The following TSEN2 variants were observed in gnomAD, a reference collection of about 807,000 sequenced individuals.
The protein encoded by TSEN2 is tRNA splicing endonuclease subunit 2, also known as tRNA-splicing endonuclease subunit Sen2.
A neutral mutation model predicts 59.2 loss-of-function variants in TSEN2; 54 were observed. The ratio of observed to expected loss-of-function variants is 0.91; its 90% CI spans 0.73 to 1.14. TSEN2 has a LOEUF of 1.14. Among genes scored for constraint, TSEN2 ranks in the 50% most tolerant of loss-of-function variants. The pLI is 0.00. For missense variants in TSEN2, 636 were observed against 576.2 expected (o/e 1.10, Z -1.06); for synonymous variants, 195 against 198.2 (o/e 0.98, Z 0.14).
chr3:12,510,559 C>A (rs373452515), intron 6 of TSEN2, among the ~76,000 whole-genome samples: 3 of 152,286 alleles, frequency 2.0e-5, no homozygotes, highest in South Asian at 4.2e-4. Flanking sequence ...CAGCTCTCCT[C>A]GTGCCTGACA....
At chr3:12,502,447 A>C (rs748201406) in intron 4 of TSEN2, among the ~76,000 whole-genome samples, 2 of 152,096 alleles carry the variant, frequency 1.3e-5, no homozygotes, top group Non-Finnish European at 2.9e-5. Flanking sequence ...GAGGCAGAAG[A>C]ATCGCTTGAA....
intron 3 of TSEN2, 40 bp from the exon 4 acceptor site, chr3:12,496,478 G>A: frequency 6.2e-7 from 1 of 1,608,240 alleles, no homozygotes; most frequent in Non-Finnish European, 8.5e-7. Flanking sequence ...TTCCCCTTAT[G>A]GGAAATTTGC....
At position 12,503,500 on chromosome 3, in the gene TSEN2, G is replaced by A; in HGVS notation, c.547G>A (p.Val183Met). ...CGGGGACTCTGGAAAGTCAGGTGGT[G>A]TGGGTGATCCCCGTGAGCCATTAGG... is the stretch of plus-strand genomic sequence containing the variant. ...VNGDSGKSGG[V>M]GDPREPLGCL... Residue 183 changes from valine (V) to methionine (M), a missense_variant, in exon 5 of 12, where the codon GTG (valine) becomes ATG (methionine). Physicochemically the swap from Val to Met is conservative, Grantham distance 21. Coordinates refer to ENST00000284995, the MANE Select transcript of TSEN2 (RefSeq NM_025265.4). 2 of 1,614,224 alleles carry A rather than the reference G, an allele frequency of 1.2e-6. No homozygotes were observed. The highest frequency in any genetic ancestry group is 1.7e-6 in the Non-Finnish European group (2 of 1,180,020).
intron 10 of TSEN2, chr3:12,530,181 C>T: frequency 2.5e-6 from 3 of 1,213,078 alleles, no homozygotes; most frequent in Non-Finnish European, 3.1e-6. Context: ...GGTATCGTTG[C>T]TATGTGACTT....
intron 10 of TSEN2, 79 bp downstream of exon 10, chr3:12,529,952 C>A (rs1249513222): frequency 1.3e-6 from 2 of 1,558,268 alleles, no homozygotes; most frequent in African/African-American, 2.8e-5. Flanking sequence ...GTAGTAGAAT[C>A]AAAAAAGTTA....
At chr3:12,529,921 G>GTTTTT in intron 10 of TSEN2, 48 bp downstream of exon 10, 3 of 1,507,482 alleles carry the variant, frequency 2.0e-6, no homozygotes, top group Non-Finnish European at 2.7e-6. Context: ...AAATGGTTCA[G>GTTTTT]TTTTTTTTTT....
At chr3:12,515,872 C>T (rs2056016785) in intron 6 of TSEN2, among the ~76,000 whole-genome samples, 1 of 147,178 alleles carries the variant, frequency 6.8e-6, no homozygotes, top group Admixed American at 6.8e-5. Flanking sequence ...CTTTTCACAC[C>T]TTTTTTTTTT....
chr3:12,495,859 T>C (rs1230483445), intron 3 of TSEN2, among the ~76,000 whole-genome samples: 1 of 152,182 alleles, frequency 6.6e-6, no homozygotes, highest in East Asian at 1.9e-4. Context: ...ACATTTCGGT[T>C]GGAAAGACTC....
rs2057527309 is a variant in TSEN2, at chr3:12,532,517, C to G, written c.1339-145C>G. 3 of 741,188 alleles carry G rather than the reference C, an allele frequency of 4.0e-6. No individual in the cohort carries two copies. The Admixed American group carries it at 7.3e-5, about 18-fold the overall frequency. 45.9% of individuals were successfully genotyped at this position (741,188 alleles called of 1,614,324 possible). ...GTTTATATTGTTACATTCATTTTCT[C>G]CAGATGTTTCTGTTCTAAAGGTGGG... On this transcript the variant is annotated intron_variant, in intron 11 of 11. Transcript: ENST00000284995.
chr3:12,496,573 T>G lies in TSEN2; in HGVS notation c.308+19T>G. The stretch of plus-strand genomic sequence containing the variant: ...CAAAGAGGTAAGTCATAATGAACTT[T>G]GGCTTCTGTCAAAATGATGGTTTAA... On this transcript the variant is annotated intron_variant, in intron 4 of 11. Coordinates refer to ENST00000284995, the MANE Select transcript of TSEN2 (RefSeq NM_025265.4). 6.2e-7 allele frequency: 1 copy of G among 1,613,972 alleles called. No homozygotes were observed.
intron 10 of TSEN2, chr3:12,538,962 T>A (rs6763836): frequency 0.025 from 7,805 of 316,230 alleles, 647 homozygotes; most frequent in African/African-American, 0.17. Flanking sequence ...TCAGGCAAAA[T>A]GAAATTGACA....
rs1293042824 is a variant in TSEN2 at position 12,515,755 on chromosome 3, T to C, written c.910-856T>C. 6.6e-5 allele frequency among the ~76,000 whole-genome samples: 10 copies of C among 152,314 alleles called. No individual in the cohort carries two copies. The South Asian group carries it at 8.3e-4, about 13-fold the overall frequency. On this transcript the variant is annotated intron_variant, in intron 6 of 11. Coordinates refer to ENST00000284995, the MANE Select transcript of TSEN2 (RefSeq NM_025265.4). ...GCCTCCCCCCACACAGTAAAATATA[T>C]CATTATGTGAGGTCAGTGCAAACAT... is the stretch of plus-strand genomic sequence containing the variant.
chr3:12,536,718 G>C (rs1374176100), downstream of TSEN2, among the ~76,000 whole-genome samples: 1 of 152,010 alleles, frequency 6.6e-6, no homozygotes, highest in African/African-American at 2.4e-5. Context: ...TAAGAGGAGG[G>C]GGCCAGGCGC....
intron 2 of TSEN2, among the ~76,000 whole-genome samples, chr3:12,490,609 T>A (rs75763180): frequency 0.051 from 7,699 of 152,348 alleles, 374 homozygotes; most frequent in African/African-American, 0.12. Flanking sequence ...TATTGAGTTA[T>A]AATTTACAAC....
chr3:12,498,575 C>T (rs1275627548), intron 4 of TSEN2, among the ~76,000 whole-genome samples: 5 of 152,116 alleles, frequency 3.3e-5, no homozygotes, highest in Non-Finnish European at 4.4e-5. Flanking sequence ...TTCAATTTGC[C>T]GTCAATTTGC....
chr3:12,507,328 T>C (rs1327060377), intron 6 of TSEN2, among the ~76,000 whole-genome samples: 6 of 152,244 alleles, frequency 3.9e-5, no homozygotes, highest in African/African-American at 1.4e-4. Context: ...TTCCCAGCAC[T>C]GTGGAGCGCT....
At chr3:12,523,945 G>A (rs946283445) in intron 8 of TSEN2, among the ~76,000 whole-genome samples, 13 of 152,070 alleles carry the variant, frequency 8.5e-5, no homozygotes, top group Admixed American at 2.0e-4. Context: ...ATATTAATCC[G>A]TAAGTATTTT....
chr3:12,539,074 C>A lies in TSEN2; in HGVS notation c.1261-87C>A, dbSNP rs376429539. 8.5e-5 allele frequency: 35 copies of A among 413,854 alleles called. No individual in the cohort carries two copies. The East Asian group carries it at 2.6e-3, about 31-fold the overall frequency. The allele number at this position is 413,854 out of a possible 1,614,324, so 25.6% of individuals were successfully genotyped here. On this transcript the variant is annotated intron_variant, in intron 10 of 10. Coordinates refer to the TSEN2 transcript ENST00000412698. ...GAGTGACCATTTCCTGATTTAGATT[C>A]TGAGGGGGTTTTTGGTTTTTTTTAC...
intron 3 of TSEN2, among the ~76,000 whole-genome samples, chr3:12,496,171 T>C (rs962091346): frequency 6.6e-6 from 1 of 152,220 alleles, no homozygotes; most frequent in Non-Finnish European, 1.5e-5. Context: ...AGTGCATACC[T>C]CTAGGGCCTC....
Sources: allele counts gnomAD v4.1 joint callset (sites outside exome capture counted in the v4.1 genomes callset), GRCh38; gene constraint gnomAD v4.1.1; transcripts MANE v1.5; gene names NCBI Gene and HGNC (gene_info 2026-07-23, HGNC 2026-07-21).